ARHGAP21: variants seen among roughly 807,000 people sequenced by gnomAD.
ARHGAP21 encodes rho GTPase-activating protein 21.
Under a neutral mutation model 164.6 loss-of-function variants are expected in ARHGAP21, and 38 were observed. That is an observed-to-expected ratio of 0.23 (90% CI 0.18 to 0.30). ARHGAP21 has a LOEUF of 0.30. Among genes scored for constraint, ARHGAP21 ranks in the 10% least tolerant of loss-of-function variants. The probability of loss-of-function intolerance (pLI) is 1.00; values close to 1 mark genes in which losing one functional copy is unlikely to be tolerated. For synonymous variants in ARHGAP21, 766 were observed against 857.9 expected (o/e 0.89, Z 1.87); for missense variants, 1,822 against 2,370.7 (o/e 0.77, Z 4.81).
At chr10:24,650,188 G>A (rs1838015900) in intron 4 of ARHGAP21, among the ~76,000 whole-genome samples, 3 of 152,088 alleles carry the variant, frequency 2.0e-5, no homozygotes, top group South Asian at 4.1e-4. Context: ...CAGAAAAAAG[G>A]AGAGAGAATT....
chr10:24,696,542 T>G (rs1407830016), intron 2 of ARHGAP21, among the ~76,000 whole-genome samples: 2 of 152,130 alleles, frequency 1.3e-5, no homozygotes, highest in Non-Finnish European at 2.9e-5. Context: ...CTGAGAATGT[T>G]AACTCGAGGC....
chr10:24,698,309 TA>T (rs1297210980), intron 2 of ARHGAP21, among the ~76,000 whole-genome samples: 1 of 152,142 alleles, frequency 6.6e-6, no homozygotes, highest in African/African-American at 2.4e-5. Context: ...AGAAATCATC[TA>T]ATCAGTTTAT....
At chr10:24,666,179 G>A (rs1840180890) in intron 4 of ARHGAP21, among the ~76,000 whole-genome samples, 1 of 152,070 alleles carries the variant, frequency 6.6e-6, no homozygotes, top group Admixed American at 6.6e-5. Context: ...ACAGGCGCCC[G>A]CCACCACACC....
chr10:24,677,561 G>A (rs1841377521), intron 2 of ARHGAP21, among the ~76,000 whole-genome samples: 1 of 152,164 alleles, frequency 6.6e-6, no homozygotes, highest in African/African-American at 2.4e-5. Flanking sequence ...TAAATCCGTT[G>A]TAGTTTATCC....
intron 4 of ARHGAP21, among the ~76,000 whole-genome samples, chr10:24,659,714 G>C (rs1839478543): frequency 6.6e-6 from 1 of 152,116 alleles, no homozygotes; most frequent in Admixed American, 6.5e-5. Flanking sequence ...ATGTTACCCA[G>C]GCTGTTCTCA....
At position 24,584,631 on chromosome 10, in the gene ARHGAP21, G is replaced by A. The variant is rs1127891; in HGVS notation, c.5658C>T (p.Thr1886=). Residue 1886 remains threonine, a synonymous_variant, in exon 26 of 26, where the codon ACC becomes ACT. Coordinates refer to ENST00000396432, the MANE Select transcript of ARHGAP21 (RefSeq NM_020824.4). ...TGCAATGAAGAGACAAAGGTGTGTC[G>A]GTCGTGGCTATTTCTCGTGTGCTTG... ...ENPSTREIAT[T]DTPLSLHCNT... is the part of the protein sequence containing the mutation. 3.2e-5 allele frequency: 51 copies of A among 1,613,804 alleles called. No homozygotes were observed. Among genetic ancestry groups the A allele is most frequent in the African/African-American group, 5.3e-5 (4 of 74,884 alleles).
intron 7 of ARHGAP21, among the ~76,000 whole-genome samples, chr10:24,625,304 A>C (rs1292487981): frequency 1.5e-4 from 23 of 149,558 alleles, no homozygotes; most frequent in African/African-American, 3.7e-4. Context: ...ACAGAGAAAA[A>C]AAAAAAAAAA....
At chr10:24,609,827 G>A (rs567785370) in intron 9 of ARHGAP21, among the ~76,000 whole-genome samples, 7 of 151,968 alleles carry the variant, frequency 4.6e-5, no homozygotes, top group East Asian at 3.9e-4. Flanking sequence ...TTGACCAAAC[G>A]GAAAACAAAA....
intron 9 of ARHGAP21, among the ~76,000 whole-genome samples, chr10:24,608,373 A>AGGG (rs1310315538): frequency 6.6e-6 from 1 of 152,198 alleles, no homozygotes. Context: ...AGTGTATCTC[A>AGGG]ATTTTTGAAA....
chr10:24,588,396 G>A (rs1449899951), intron 25 of ARHGAP21, among the ~76,000 whole-genome samples: 1 of 151,424 alleles, frequency 6.6e-6, no homozygotes, highest in African/African-American at 2.4e-5. Context: ...TAGGGTAAAG[G>A]ATTTGGGTGC....
At chr10:24,694,163 ACCC>A (rs1411299323) in intron 2 of ARHGAP21, among the ~76,000 whole-genome samples, 2 of 152,184 alleles carry the variant, frequency 1.3e-5, no homozygotes, top group Non-Finnish European at 2.9e-5. Context: ...CATTCAACTC[ACCC>A]ATACCCCCTT....
chr10:24,593,388 T>A (rs2130798219), intron 21 of ARHGAP21, among the ~76,000 whole-genome samples: 1 of 152,282 alleles, frequency 6.6e-6, no homozygotes, highest in African/African-American at 2.4e-5. Flanking sequence ...AAAACAGAAG[T>A]CTACCATCTC....
chr10:24,620,898 G>A lies in ARHGAP21; in HGVS notation c.997C>T (p.Pro333Ser). Reference protein sequence around the residue: ...SIPTTHLIHQPAGSRSLEPSG... With the variant: ...SIPTTHLIHQSAGSRSLEPSG... ...GGTTCCAGTGATCTGGAGCCTGCAG[G>A]CTGATGAATTAGATGAGTGGTGGGA... The change falls in exon 9 of 26, where the codon CCT (proline) becomes TCT (serine). Residue 333 changes from proline (P) to serine (S), a missense_variant. By Grantham distance (74) the Pro-to-Ser change is moderately conservative. Around this residue, in one of 5 missense-constraint regions of ARHGAP21, gnomAD observed 1,090 missense variants for 1,378.9 expected, o/e 0.79. Coordinates refer to ENST00000396432, the MANE Select transcript of ARHGAP21 (RefSeq NM_020824.4). The A allele has an allele frequency of 6.2e-7, 1 of 1,613,898 alleles. No homozygotes were observed. The highest frequency in any genetic ancestry group is 8.5e-7 in the Non-Finnish European group (1 of 1,179,864).
intron 2 of ARHGAP21, among the ~76,000 whole-genome samples, chr10:24,695,522 T>A (rs1843102400): frequency 1.3e-5 from 2 of 151,772 alleles, no homozygotes; most frequent in East Asian, 3.9e-4. Flanking sequence ...TAAGCTGAGA[T>A]TGCCCCACTG....
At chr10:24,590,419 A>C in intron 24 of ARHGAP21, 1 of 1,535,416 alleles carries the variant, frequency 6.5e-7, no homozygotes. Flanking sequence ...CCAGCTGTCC[A>C]TCAGGGACAT....
intron 2 of ARHGAP21, among the ~76,000 whole-genome samples, chr10:24,720,861 C>T (rs1434124147): frequency 1.3e-5 from 2 of 152,012 alleles, no homozygotes; most frequent in Admixed American, 6.6e-5. Flanking sequence ...AAAACATAGG[C>T]ATCTCAAAAG....
intron 25 of ARHGAP21, among the ~76,000 whole-genome samples, chr10:24,587,579 TC>T (rs1346660778): frequency 6.6e-6 from 1 of 152,226 alleles, no homozygotes; most frequent in Non-Finnish European, 1.5e-5. Context: ...TTCATAATTA[TC>T]CAGCACATTT....
chr10:24,620,447 G>A lies in ARHGAP21; in HGVS notation c.1448C>T (p.Ser483Phe), dbSNP rs1039981877. 6.2e-7 allele frequency: 1 copy of A among 1,610,180 alleles called. No individual in the cohort carries two copies. The highest frequency in any genetic ancestry group is 1.1e-5 in the South Asian group (1 of 90,932). The change falls in exon 9 of 26, where the codon TCT (serine) becomes TTT (phenylalanine). Residue 483 changes from serine to phenylalanine, a missense_variant. Ser to Phe is a radical substitution (Grantham distance 155). This residue lies in a region of ARHGAP21 where 1,090 missense variants were observed against 1,378.9 expected (regional missense o/e 0.79). Coordinates refer to ENST00000396432, the MANE Select transcript of ARHGAP21 (RefSeq NM_020824.4). ...ATGATTACTAAAACTAACAGATGGA[G>A]ACGTCAGTGCTCCTTGAGATGCACT... The part of the protein sequence containing the change: ...PRSASQGALT[S>F]PSVSFSNHRT...
In ARHGAP21 at chr10:24,585,165, T is replaced by C. The variant is rs752752522; in HGVS notation, c.5124A>G (p.Ser1708=). ...TTCCACTATCTGACTTGAATCTAGC[T>C]GATTTTTTCCTGGAAAGAGTATCAC... ...IECDTLSRKK[S]ARFKSDSGSL... The change falls in exon 26 of 26, where the codon TCA becomes TCG. Residue 1708 remains serine (S), a synonymous_variant. Transcript: ENST00000396432. The C allele has an allele frequency of 4.3e-6, 7 of 1,610,924 alleles. No homozygotes were observed. The highest frequency in any genetic ancestry group is 5.9e-6 in the Non-Finnish European group (7 of 1,179,286).
Sources: gnomAD v4.1 joint callset for allele counts (sites outside exome capture counted in the v4.1 genomes callset) on GRCh38, gnomAD v4.1.1 for gene constraint, gnomAD v4.1.1 regional missense constraint, MANE v1.5 for transcripts, NCBI Gene and HGNC (gene_info 2026-07-23, HGNC 2026-07-21) for gene names.